The following PCNX4 variants were observed in gnomAD, a reference collection of about 807,000 sequenced individuals.
The protein encoded by PCNX4 is pecanex 4.
A neutral mutation model predicts 107.2 loss-of-function variants in PCNX4; 103 were observed. That is an observed-to-expected ratio of 0.96 (90% CI 0.82 to 1.13). The LOEUF (loss-of-function observed/expected upper bound fraction) is 1.13. PCNX4 is among the 50% of genes most tolerant of loss of function. The pLI, the probability that PCNX4 is intolerant of heterozygous loss-of-function variation, is 0.00. For synonymous variants in PCNX4, 541 were observed against 481.7 expected, an observed-to-expected ratio of 1.12 and a Z score of -1.61; for missense variants, 1,528 against 1,379.4, an observed-to-expected ratio of 1.11 and a Z score of -1.71.
Position 60,108,293 on chromosome 14 carries a change from A to G in PCNX4, c.655A>G (p.Ile219Val). The change falls in exon 2 of 11, where the codon ATT becomes GTT. Residue 219 changes from isoleucine to valine, a missense_variant. By Grantham distance (29) the Ile-to-Val change is conservative (BLOSUM62 3). Transcript: ENST00000406854. ...TATTCCTCTTATGAGACCTCTTTAT[A>G]TTTTTTTCTTTGTTTCTGTGGATCT... is the stretch of plus-strand genomic sequence containing the variant. Reference protein sequence around the residue: ...EIIPLMRPLYIFFFVSVDLAH... With the variant: ...EIIPLMRPLYVFFFVSVDLAH... 3 of 1,608,586 alleles carry G rather than the reference A, an allele frequency of 1.9e-6. No homozygotes were observed. Among genetic ancestry groups the G allele is most frequent in the South Asian group, 1.1e-5 (1 of 89,870 alleles).
Position 60,124,930 on chromosome 14 carries a change from G to C in PCNX4, c.2759G>C (p.Cys920Ser). The change falls in exon 9 of 11, where the codon TGT (cysteine) becomes TCT (serine). Residue 920 changes from cysteine to serine, a missense_variant. Transcript: ENST00000406854. ...TTACCCGCAGAGTGGAGGACTAGCT[G>C]TATGCCCAGTTCCAAAATGAAGGAG... ...VCLPAEWRTS[C>S]MPSSKMKEMS... is the part of the protein sequence containing the mutation. 2.5e-6 allele frequency: 4 copies of C among 1,613,834 alleles called. No homozygotes were observed. Among genetic ancestry groups the C allele is most frequent in the Non-Finnish European group, 3.4e-6 (4 of 1,179,772 alleles).
At position 60,125,168 on chromosome 14, in the gene PCNX4, C is replaced by T. The variant is rs999530252; in HGVS notation, c.2997C>T (p.Tyr999=). 6 of 1,611,988 alleles carry T rather than the reference C, an allele frequency of 3.7e-6. No homozygotes were observed. The highest frequency in any genetic ancestry group is 2.7e-5 in the African/African-American group (2 of 74,836). ...GTCCTGGTCATATATTGAGAGTTTA[C>T]GGTGGTGTTTTGCCTTGGTCTGTTG... is the stretch of plus-strand genomic sequence containing the variant. ...APSPGHILRV[Y]GGVLPWSVAL... Residue 999 remains tyrosine, a synonymous_variant, in exon 9 of 11, where the codon TAC becomes TAT. Coordinates refer to ENST00000406854, the MANE Select transcript of PCNX4 (RefSeq NM_001330177.2).
chr14:60,104,869 G>A (rs1164348697), intron 1 of PCNX4, among the ~76,000 whole-genome samples: 4 of 152,138 alleles, frequency 2.6e-5, no homozygotes, highest in South Asian at 2.1e-4. Context: ...CAGCCAAACC[G>A]TATCAGCCCC....
intron 9 of PCNX4, 121 bp downstream of exon 9, chr14:60,125,372 G>A (rs1896035699): frequency 2.7e-6 from 3 of 1,098,242 alleles, no homozygotes; most frequent in African/African-American, 3.3e-5. Context: ...TCTTCAAAAT[G>A]AAAAAAATGT....
At chr14:60,122,346 A>G (rs1008244128) in intron 8 of PCNX4, among the ~76,000 whole-genome samples, 1 of 152,164 alleles carries the variant, frequency 6.6e-6, no homozygotes, top group African/African-American at 2.4e-5. Context: ...AGTAAAAGCC[A>G]GGCTCTAAAT....
Position 60,114,954 on chromosome 14 carries a change from TC to T in PCNX4, c.870-19del, listed in dbSNP as rs200886318. On this transcript the variant is annotated intron_variant, in intron 3 of 10. Coordinates refer to ENST00000406854, the MANE Select transcript of PCNX4 (RefSeq NM_001330177.2). The stretch of plus-strand genomic sequence containing the variant: ...TTTTCTTTTCAAGTAAATATTTTTT[TC>T]TTTTTTTTTTCTGTACAGGTTATTA... 1.4e-6 allele frequency: 2 copies of T among 1,453,072 alleles called. No homozygotes were observed. Among genetic ancestry groups the T allele is most frequent in the Non-Finnish European group, 9.0e-7 (1 of 1,105,482 alleles). 90.0% of individuals were successfully genotyped at this position (1,453,072 alleles called of 1,614,324 possible). A position where few individuals can be genotyped will look rare whatever the true frequency, so the allele number is the denominator to read the frequency against.
Position 60,119,677 on chromosome 14 carries a change from C to T in PCNX4, c.1942+985C>T, listed in dbSNP as rs148488490. ...TGTAATGCTGTTTTATTTTTTAAAA[C>T]ACCTGTGGGGTTAAACTCCCATCAG... On this transcript the variant is annotated intron_variant, in intron 7 of 10. Coordinates refer to ENST00000406854, the MANE Select transcript of PCNX4 (RefSeq NM_001330177.2). Among the ~76,000 whole-genome samples, 767 of 152,182 alleles carry T rather than the reference C, an allele frequency of 5.0e-3. 14 individuals are homozygous for T. The highest frequency in any genetic ancestry group is 0.017 in the African/African-American group (726 of 41,528).
intron 2 of PCNX4, chr14:60,109,294 A>G (rs976071973): frequency 1.2e-5 from 2 of 167,252 alleles, no homozygotes. Context: ...CACTCAGCTT[A>G]TGGCATTTTT....
intron 7 of PCNX4, among the ~76,000 whole-genome samples, chr14:60,120,670 A>C (rs1895937160): frequency 6.6e-6 from 1 of 152,228 alleles, no homozygotes; most frequent in Admixed American, 6.5e-5. Flanking sequence ...TATTTTCGAC[A>C]GCAGTTATAA....
At chr14:60,132,524 T>A (rs1289161596) in intron 10 of PCNX4, among the ~76,000 whole-genome samples, 1 of 152,068 alleles carries the variant, frequency 6.6e-6, no homozygotes, top group African/African-American at 2.4e-5. Flanking sequence ...AACATAAGGG[T>A]AAATCTTCAT....
rs1896228875 is a variant in PCNX4 at position 60,135,574 on chromosome 14, AT to A, written c.*1354del. 1 of 150,578 alleles carries A rather than the reference AT, an allele frequency of 6.6e-6. No homozygotes were observed. Among genetic ancestry groups the A allele is most frequent in the Admixed American group, 6.6e-5 (1 of 15,146 alleles). The allele number at this position is 150,578 out of a possible 1,614,324, so 9.3% of individuals were successfully genotyped here. Reference sequence around the variant, plus strand: ...TTATCAGCTTTTTTTTTTTTCCGAGATGGAATCTCGCTCTGTCACCCAGGCT... The same window carrying A: ...TTATCAGCTTTTTTTTTTTTCCGAGAGGAATCTCGCTCTGTCACCCAGGCT... On this transcript the variant is annotated 3_prime_UTR_variant, in exon 11 of 11. Transcript: ENST00000406854.
intron 1 of PCNX4, among the ~76,000 whole-genome samples, chr14:60,095,833 G>A (rs1895413236): frequency 1.3e-5 from 2 of 151,182 alleles, no homozygotes; most frequent in Admixed American, 6.6e-5. Context: ...AAAAAGGAAA[G>A]GAAAAAAAAA....
intron 1 of PCNX4, among the ~76,000 whole-genome samples, chr14:60,095,459 G>T (rs565289143): frequency 6.6e-6 from 1 of 152,236 alleles, no homozygotes; most frequent in South Asian, 2.1e-4. Flanking sequence ...AAAATATAGG[G>T]GAGGTGTGTA....
chr14:60,096,831 C>A (rs2140527221), intron 1 of PCNX4, among the ~76,000 whole-genome samples: 1 of 152,288 alleles, frequency 6.6e-6, no homozygotes. Flanking sequence ...CCAGATAAAT[C>A]AATACCAATT....
At chr14:60,129,240 CAA>C (rs58442688) in intron 10 of PCNX4, among the ~76,000 whole-genome samples, 10 of 123,898 alleles carry the variant, frequency 8.1e-5, no homozygotes, top group Admixed American at 3.4e-4. Flanking sequence ...GACTCCATCT[CAA>C]AAAAAAAAAA....
intron 1 of PCNX4, among the ~76,000 whole-genome samples, chr14:60,097,973 T>G (rs539540889): frequency 6.6e-6 from 1 of 152,118 alleles, no homozygotes; most frequent in African/African-American, 2.4e-5. Flanking sequence ...AGGGTCTGGA[T>G]TGACAGAGCA....
chr14:60,118,083 A>G (rs997723436), intron 6 of PCNX4, among the ~76,000 whole-genome samples: 7 of 150,806 alleles, frequency 4.6e-5, no homozygotes, highest in African/African-American at 1.5e-4. Flanking sequence ...CTTAAAGCAT[A>G]GTTAGTACAC....
At chr14:60,109,978 A>T (rs890391755) in intron 2 of PCNX4, 1 of 167,086 alleles carries the variant, frequency 6.0e-6, no homozygotes, top group African/African-American at 2.4e-5. Flanking sequence ...GAAAGGAGAG[A>T]GATGGATTGA....
In PCNX4 at chr14:60,116,002, T is replaced by C. The variant is rs2140550473; in HGVS notation, c.1520T>C (p.Ile507Thr). Residue 507 changes from isoleucine (I) to threonine (T), a missense_variant, in exon 6 of 11, where the codon ATC (isoleucine) becomes ACC (threonine). Transcript: ENST00000406854. ...GTCATTGTATCAACAGTACACTTGA[T>C]CTCCAGTACAGACATATGGTGGAAC... ...ETVIVSTVHLISSTDIWWNRS... is the reference protein window; with the variant it reads ...ETVIVSTVHLTSSTDIWWNRS... 3.7e-6 allele frequency: 6 copies of C among 1,612,984 alleles called. No individual in the cohort carries two copies. Among genetic ancestry groups the C allele is most frequent in the Non-Finnish European group, 5.1e-6 (6 of 1,179,380 alleles).
Sources: allele counts gnomAD v4.1 joint callset (sites outside exome capture counted in the v4.1 genomes callset), GRCh38; gene constraint gnomAD v4.1.1; transcripts MANE v1.5; gene names NCBI Gene and HGNC (gene_info 2026-07-23, HGNC 2026-07-21).